The following ZNF385B variants were observed in gnomAD, a reference collection of about 807,000 sequenced individuals.
ZNF385B encodes zinc finger protein 385B.
Under a neutral mutation model 39.2 loss-of-function variants are expected in ZNF385B, and 23 were observed. The ratio of observed to expected loss-of-function variants is 0.59; its 90% confidence interval spans 0.42 to 0.83. The LOEUF (loss-of-function observed/expected upper bound fraction) is 0.83. Ranked by LOEUF, ZNF385B falls within the 40% of genes least tolerant of loss-of-function variation. ZNF385B has a pLI of 0.00. For synonymous variants in ZNF385B, 205 were observed against 222.6 expected (o/e 0.92, Z 0.70); for missense variants, 552 against 598.9 (o/e 0.92, Z 0.82).
chr2:179,831,687 C>T (rs165383), intron 1 of ZNF385B, among the ~76,000 whole-genome samples: 16,571 of 152,084 alleles, frequency 0.11, 1,136 homozygotes, highest in African/African-American at 0.19. Flanking sequence ...TTAAATGCTC[C>T]TTCCAAGAGA....
At chr2:179,739,718 T>C (rs1701976504) in intron 3 of ZNF385B, among the ~76,000 whole-genome samples, 1 of 152,118 alleles carries the variant, frequency 6.6e-6, no homozygotes, top group Admixed American at 6.6e-5. Context: ...TAGTATAGCT[T>C]AATCAAACTT....
chr2:179,656,994 T>C (rs964445033), intron 3 of ZNF385B, among the ~76,000 whole-genome samples: 1 of 152,160 alleles, frequency 6.6e-6, no homozygotes, highest in African/African-American at 2.4e-5. Context: ...ATAGAAAACG[T>C]TGATGAACCA....
intron 1 of ZNF385B, among the ~76,000 whole-genome samples, chr2:179,812,663 G>T (rs999402329): frequency 3.3e-5 from 5 of 152,114 alleles, no homozygotes; most frequent in African/African-American, 1.2e-4. Context: ...AGAGAAGGGG[G>T]AAAGGGTTGA....
intron 1 of ZNF385B, among the ~76,000 whole-genome samples, chr2:179,800,307 G>T (rs1056391370): frequency 6.6e-6 from 1 of 151,952 alleles, no homozygotes; most frequent in Non-Finnish European, 1.5e-5. Context: ...AAGTGATTCT[G>T]CAAATAATAA....
In ZNF385B at chr2:179,492,924, C is replaced by G. The variant is rs1194940891; in HGVS notation, c.553-9490G>C. Among the ~76,000 whole-genome samples, 4 of 152,100 alleles carry G rather than the reference C, an allele frequency of 2.6e-5. No homozygotes were observed. In the East Asian group the frequency reaches 7.7e-4, roughly 29 times the overall value. ...TTCTGTAGTAAAGTGCCAGATTAAACTAGAAGTTTTCATTCAAAATTAATT... is the reference window on the plus strand; with the variant it reads ...TTCTGTAGTAAAGTGCCAGATTAAAGTAGAAGTTTTCATTCAAAATTAATT... On this transcript the variant is annotated intron_variant, in intron 5 of 9. Transcript: ENST00000410066.
intron 3 of ZNF385B, among the ~76,000 whole-genome samples, chr2:179,719,401 T>A (rs1036008292): frequency 1.3e-5 from 2 of 152,218 alleles, no homozygotes; most frequent in African/African-American, 4.8e-5. Context: ...TTTCATTATA[T>A]ATCCATTACA....
At chr2:179,508,616 C>G (rs1304886376) in intron 5 of ZNF385B, among the ~76,000 whole-genome samples, 6 of 152,156 alleles carry the variant, frequency 3.9e-5, no homozygotes, top group African/African-American at 1.4e-4. Flanking sequence ...GTTTGATCAG[C>G]AAACTAATAT....
intron 3 of ZNF385B, among the ~76,000 whole-genome samples, chr2:179,633,551 G>A (rs900292380): frequency 3.3e-5 from 5 of 151,924 alleles, no homozygotes; most frequent in South Asian, 2.1e-4. Context: ...TGGAATGTAC[G>A]TCAAAATAAT....
intron 3 of ZNF385B, among the ~76,000 whole-genome samples, chr2:179,676,742 GA>G (rs1392260577): frequency 6.6e-6 from 1 of 152,144 alleles, no homozygotes; most frequent in African/African-American, 2.4e-5. Context: ...CACTGGGGGG[GA>G]TTTTGTCCCT....
chr2:179,779,027 G>A (rs1232825275), intron 1 of ZNF385B, among the ~76,000 whole-genome samples: 1 of 152,166 alleles, frequency 6.6e-6, no homozygotes, highest in Admixed American at 6.5e-5. Context: ...ATACATAAAC[G>A]TATTGGGGCT....
chr2:179,482,864 A>T (rs1449792972), intron 6 of ZNF385B, among the ~76,000 whole-genome samples: 1 of 152,120 alleles, frequency 6.6e-6, no homozygotes, highest in African/African-American at 2.4e-5. Flanking sequence ...ATCTATTAGT[A>T]AACAAGTTTA....
chr2:179,527,489 C>T (rs1196254997), intron 4 of ZNF385B, among the ~76,000 whole-genome samples: 1 of 150,838 alleles, frequency 6.6e-6, no homozygotes, highest in African/African-American at 2.4e-5. Flanking sequence ...TCTTGAAGAT[C>T]TGTTTTGAAA....
intron 3 of ZNF385B, among the ~76,000 whole-genome samples, chr2:179,614,339 T>C (rs1172149016): frequency 6.6e-6 from 1 of 152,198 alleles, no homozygotes; most frequent in Non-Finnish European, 1.5e-5. Flanking sequence ...CCCCTGAATC[T>C]ACAACAATGC....
At chr2:179,567,708 C>T (rs1348148844) in intron 3 of ZNF385B, among the ~76,000 whole-genome samples, 1 of 152,174 alleles carries the variant, frequency 6.6e-6, no homozygotes, top group East Asian at 1.9e-4. Flanking sequence ...ACTGTGAAGG[C>T]AGGACTTGAG....
chr2:179,484,397 T>C (rs4894101), intron 5 of ZNF385B, among the ~76,000 whole-genome samples: 38,197 of 151,766 alleles, frequency 0.25, 5,370 homozygotes, highest in East Asian at 0.52. Flanking sequence ...ATAAATGGTA[T>C]ATTAGCTTAG....
chr2:179,831,176 C>T (rs1456949022), intron 1 of ZNF385B, among the ~76,000 whole-genome samples: 3 of 152,078 alleles, frequency 2.0e-5, no homozygotes, highest in Non-Finnish European at 4.4e-5. Context: ...CAGGCAGTAT[C>T]AGTAGTAATA....
intron 3 of ZNF385B, among the ~76,000 whole-genome samples, chr2:179,729,455 A>C (rs898980747): frequency 7.9e-5 from 12 of 152,224 alleles, no homozygotes; most frequent in Admixed American, 5.9e-4. Flanking sequence ...GACCACGGGG[A>C]CAAAATCAGA....
chr2:179,485,572 G>A (rs1053709558), intron 5 of ZNF385B, among the ~76,000 whole-genome samples: 9 of 152,074 alleles, frequency 5.9e-5, no homozygotes, highest in African/African-American at 2.2e-4. Context: ...TTTATCCTAA[G>A]CTTATAAATG....
intron 5 of ZNF385B, among the ~76,000 whole-genome samples, chr2:179,485,632 G>A (rs1255701167): frequency 2.6e-5 from 4 of 152,248 alleles, no homozygotes; most frequent in Non-Finnish European, 5.9e-5. Flanking sequence ...ATAGTCACAA[G>A]TGTTAAGGGT....
Sources: allele counts gnomAD v4.1 joint callset (sites outside exome capture counted in the v4.1 genomes callset), GRCh38; gene constraint gnomAD v4.1.1; transcripts MANE v1.5; gene names NCBI Gene and HGNC (gene_info 2026-07-23, HGNC 2026-07-21).